Variants in PACRG observed in about 807,000 individuals in gnomAD.
The protein encoded by PACRG is parkin coregulated, also known as parkin coregulated gene protein.
In PACRG, 29 loss-of-function variants were observed where a neutral mutation model predicts 29.7. The observed-to-expected ratio is 0.98, with a 90% CI of 0.73 to 1.33. The LOEUF is 1.33. Ranked by LOEUF, PACRG falls within the 40% of genes most tolerant of loss-of-function variation. The pLI, the probability that PACRG is intolerant of heterozygous loss-of-function variation, is 0.00. For synonymous variants in PACRG, 116 were observed against 118.7 expected (o/e 0.98, Z 0.15); for missense variants, 279 against 316.2 (o/e 0.88, Z 0.89).
intron 4 of PACRG, among the ~76,000 whole-genome samples, chr6:163,169,715 G>T (rs533898912): frequency 6.6e-6 from 1 of 152,358 alleles, no homozygotes; most frequent in South Asian, 2.1e-4. Context: ...TGGCCAGACG[G>T]CTCAGGAGAG....
At chr6:163,213,382 T>C (rs1351061107) in intron 4 of PACRG, among the ~76,000 whole-genome samples, 1 of 152,152 alleles carries the variant, frequency 6.6e-6, no homozygotes, top group Non-Finnish European at 1.5e-5. Flanking sequence ...ATGCAACATG[T>C]GATTCTGGAT....
intron 2 of PACRG, among the ~76,000 whole-genome samples, chr6:162,947,611 CATATATATATATAT>C (rs1170513962): frequency 1.8e-4 from 5 of 27,990 alleles, no homozygotes; most frequent in South Asian, 1.5e-3. Flanking sequence ...TATATATAAT[CATATATATATATAT>C]ATATATATAT....
At chr6:163,311,496 A>C (rs972765529) in intron 4 of PACRG, among the ~76,000 whole-genome samples, 2 of 152,174 alleles carry the variant, frequency 1.3e-5, no homozygotes, top group Admixed American at 6.5e-5. Context: ...TTCAAACTTA[A>C]TCATCTCAAT....
chr6:163,005,906 TTATATATATAACATG>T (rs1375943011), intron 2 of PACRG, among the ~76,000 whole-genome samples: 2 of 147,396 alleles, frequency 1.4e-5, no homozygotes, highest in Non-Finnish European at 3.0e-5. Context: ...GTTATACGTG[TTATATATATAACATG>T]TATATATATA....
chr6:163,311,788 A>G (rs1356468332), intron 4 of PACRG, among the ~76,000 whole-genome samples: 1 of 150,408 alleles, frequency 6.6e-6, no homozygotes, highest in East Asian at 1.9e-4. Flanking sequence ...AAAAAGCTAC[A>G]TAGTTTACTT....
chr6:163,192,113 A>C (rs1249872984), intron 4 of PACRG: 1 of 166,628 alleles, frequency 6.0e-6, no homozygotes. Context: ...GGTTAGAGGG[A>C]ATGAAATAGG....
chr6:162,785,821 G>A (rs899572958), intron 1 of PACRG, among the ~76,000 whole-genome samples: 4 of 152,110 alleles, frequency 2.6e-5, no homozygotes, highest in East Asian at 3.9e-4. Context: ...AGCAGGCCAC[G>A]GACCACTAGC....
chr6:162,962,871 T>C (rs1177667731), intron 2 of PACRG, among the ~76,000 whole-genome samples: 1 of 152,176 alleles, frequency 6.6e-6, no homozygotes, highest in Non-Finnish European at 1.5e-5. Flanking sequence ...TGAACTGTAT[T>C]CCTGACGATG....
chr6:163,287,027 CGTGT>C (rs140579769), intron 4 of PACRG, among the ~76,000 whole-genome samples: 7 of 150,728 alleles, frequency 4.6e-5, no homozygotes, highest in Non-Finnish European at 1.0e-4. Context: ...TGTGTATGTG[CGTGT>C]GTGTGTGTGT....
intron 4 of PACRG, among the ~76,000 whole-genome samples, chr6:163,193,044 G>T (rs1222788689): frequency 6.6e-6 from 1 of 152,080 alleles, no homozygotes; most frequent in African/African-American, 2.4e-5. Flanking sequence ...TGTTGTTCCT[G>T]GTTTTAAAAT....
At chr6:163,078,687 C>A (rs1281373549) in intron 3 of PACRG, among the ~76,000 whole-genome samples, 1 of 152,138 alleles carries the variant, frequency 6.6e-6, no homozygotes, top group Non-Finnish European at 1.5e-5. Flanking sequence ...CGGGCTAGAG[C>A]CTCAGACTGA....
intron 2 of PACRG, among the ~76,000 whole-genome samples, chr6:162,954,850 T>C (rs1799904512): frequency 6.6e-6 from 1 of 152,208 alleles, no homozygotes; most frequent in South Asian, 2.1e-4. Flanking sequence ...TAGAGATCAG[T>C]GTTGATTATT....
chr6:163,025,687 C>G (rs531534753), intron 2 of PACRG, among the ~76,000 whole-genome samples: 59 of 152,306 alleles, frequency 3.9e-4, no homozygotes, highest in African/African-American at 1.3e-3. Flanking sequence ...AAGTTTGAAG[C>G]CTTGTCTTTG....
At chr6:162,896,706 C>T (rs1168747100) in intron 2 of PACRG, among the ~76,000 whole-genome samples, 2 of 152,092 alleles carry the variant, frequency 1.3e-5, no homozygotes, top group African/African-American at 2.4e-5. Context: ...TTGTATGACA[C>T]AATCTGTAGC....
intron 2 of PACRG, among the ~76,000 whole-genome samples, chr6:162,839,868 T>C: frequency 6.8e-6 from 1 of 147,296 alleles, no homozygotes; most frequent in Non-Finnish European, 1.5e-5. Flanking sequence ...CCCCATTGCT[T>C]GTTTTTCTCA....
chr6:163,036,602 G>T (rs2128233297), intron 2 of PACRG, among the ~76,000 whole-genome samples: 1 of 152,290 alleles, frequency 6.6e-6, no homozygotes, highest in African/African-American at 2.4e-5. Flanking sequence ...TACCCTAAAT[G>T]GGATGCTGGT....
chr6:163,274,827 TA>T (rs2128181557), intron 4 of PACRG, among the ~76,000 whole-genome samples: 1 of 152,040 alleles, frequency 6.6e-6, no homozygotes, highest in East Asian at 1.9e-4. Flanking sequence ...TTGCTTCTGT[TA>T]AATGTACTTC....
At chr6:162,728,808 C>T (rs1377356010) in intron 1 of PACRG, among the ~76,000 whole-genome samples, 1 of 152,132 alleles carries the variant, frequency 6.6e-6, no homozygotes, top group East Asian at 1.9e-4. Context: ...GGAACATAAA[C>T]TCATGAAATA....
intron 4 of PACRG, among the ~76,000 whole-genome samples, chr6:163,215,272 C>G (rs1781317428): frequency 6.6e-6 from 1 of 152,092 alleles, no homozygotes; most frequent in Non-Finnish European, 1.5e-5. Flanking sequence ...AGGATTCTTT[C>G]TATAATAGTT....
Sources: allele counts gnomAD v4.1 joint callset (sites outside exome capture counted in the v4.1 genomes callset), GRCh38; gene constraint gnomAD v4.1.1; transcripts MANE v1.5; gene names NCBI Gene and HGNC (gene_info 2026-07-23, HGNC 2026-07-21).